Variants in SRP68 observed in about 807,000 individuals in gnomAD.
SRP68 encodes the protein signal recognition particle subunit SRP68.
In SRP68, 15 loss-of-function variants were observed where a neutral mutation model predicts 82.2. That is an observed-to-expected ratio of 0.18 (90% CI 0.12 to 0.28). The LOEUF (loss-of-function observed/expected upper bound fraction) is 0.28. Among genes scored for constraint, SRP68 ranks in the 10% least tolerant of loss-of-function variants. The pLI is 1.00. For missense variants in SRP68, 595 were observed against 780.5 expected (o/e 0.76, Z 2.83); for synonymous variants, 261 against 292.6 (o/e 0.89, Z 1.10).
intron 8 of SRP68, chr17:76,053,609 C>A: frequency 2.0e-6 from 2 of 985,380 alleles, no homozygotes; most frequent in Non-Finnish European, 2.4e-6. Context: ...CTCTAAGTTC[C>A]CACTGGGAAT....
intron 8 of SRP68, among the ~76,000 whole-genome samples, chr17:76,055,807 C>CTTT (rs1032113845): frequency 2.5e-4 from 27 of 106,540 alleles, no homozygotes; most frequent in East Asian, 1.1e-3. Flanking sequence ...TTTTTTTCTT[C>CTTT]TTTTTTTTTT....
At chr17:76,040,591 G>A in intron 14 of SRP68, 117 bp from the exon 15 acceptor site, 1 of 974,538 alleles carries the variant, frequency 1.0e-6, no homozygotes, top group Non-Finnish European at 1.6e-6. Context: ...GCCAGCATGT[G>A]GGGAAGCCAG....
At chr17:76,055,034 G>A (rs2066702748) in intron 8 of SRP68, among the ~76,000 whole-genome samples, 1 of 150,648 alleles carries the variant, frequency 6.6e-6, no homozygotes, top group South Asian at 2.1e-4. Context: ...TCGGCTCACT[G>A]CAACCTCCGC....
At chr17:76,055,900 C>T (rs1036293979) in intron 8 of SRP68, among the ~76,000 whole-genome samples, 2 of 149,648 alleles carry the variant, frequency 1.3e-5, no homozygotes, top group Non-Finnish European at 3.0e-5. Context: ...CTCAAGCTCC[C>T]GGGCTCAAGT....
Position 76,061,136 on chromosome 17 carries a change from T to C in SRP68, c.728A>G (p.Asn243Ser). Residue 243 changes from asparagine (N) to serine (S), a missense_variant, in exon 6 of 16, where the codon AAC becomes AGC. Transcript: ENST00000307877. ...YNQRVEEISP[N>S]IRYCAYNIGD... ...AATATTATATGCACAATAGCGGATG[T>C]TGGGTGAAATCTCTTCCACACGTTG... The C allele has an allele frequency of 1.2e-6, 2 of 1,613,064 alleles. No homozygotes were observed. Among genetic ancestry groups the C allele is most frequent in the Non-Finnish European group, 1.7e-6 (2 of 1,178,978 alleles).
In SRP68 at chr17:76,050,413, G is replaced by A. The variant is rs1274125961; in HGVS notation, c.1077+15C>T. ...CCGCCCAGAGCAAGAACCAGGGCTCGGCTGAGGGTCCTACCTGATCTGGCT... is the reference window on the plus strand; with the variant it reads ...CCGCCCAGAGCAAGAACCAGGGCTCAGCTGAGGGTCCTACCTGATCTGGCT... On this transcript the variant is annotated intron_variant, in intron 9 of 15. Coordinates refer to ENST00000307877, the MANE Select transcript of SRP68 (RefSeq NM_014230.4). The A allele has an allele frequency of 3.7e-6, 6 of 1,601,598 alleles. No individual in the cohort carries two copies. Among genetic ancestry groups the A allele is most frequent in the East Asian group, 2.2e-5 (1 of 44,812 alleles).
intron 4 of SRP68, among the ~76,000 whole-genome samples, chr17:76,062,578 C>T (rs1292961940): frequency 1.7e-4 from 6 of 36,320 alleles, no homozygotes; most frequent in African/African-American, 8.3e-4. Context: ...ATATAATATA[C>T]ATTATATAAT....
intron 6 of SRP68, among the ~76,000 whole-genome samples, 185 bp downstream of exon 6, chr17:76,060,925 T>G (rs572215170): frequency 1.3e-4 from 20 of 152,202 alleles, no homozygotes; most frequent in Non-Finnish European, 2.6e-4. Flanking sequence ...CAGAACCGTC[T>G]TCTATAATTT....
chr17:76,072,147 G>GT lies in SRP68; in HGVS notation c.184+160_184+161insA. 1.6e-4 allele frequency: 208 copies of GT among 1,285,476 alleles called. 1 individual carries two copies. Among genetic ancestry groups the GT allele is most frequent in the Middle Eastern group, 2.5e-4 (1 of 4,026 alleles). 79.6% of individuals were successfully genotyped at this position (1,285,476 alleles called of 1,614,324 possible). On this transcript the variant is annotated intron_variant, in intron 1 of 15. Transcript: ENST00000307877. The surrounding 1 kb of genome is among the most constrained non-coding windows in gnomAD (Gnocchi z 4.5). ...ACGAGGAAAGACTAGTCGAGAGACA[G>GT]ACCCCCCCCGGAATTCTGAGCACCA...
At chr17:76,061,437 A>C (rs1234638204) in intron 5 of SRP68, 55 bp downstream of exon 5, 3 of 1,491,130 alleles carry the variant, frequency 2.0e-6, no homozygotes, top group African/African-American at 1.4e-5. Context: ...TCTGCAGCTT[A>C]AATTTGACAA....
At chr17:76,048,865 A>G (rs1008712955) in intron 9 of SRP68, 4 of 152,268 alleles carry the variant, frequency 2.6e-5, no homozygotes, top group Non-Finnish European at 5.9e-5. Context: ...TATGCATTCA[A>G]GGTGAATGAC....
Position 76,043,907 on chromosome 17 carries a change from G to A in SRP68, c.1446C>T (p.Ala482=). 6.2e-7 allele frequency: 1 copy of A among 1,611,146 alleles called. No individual in the cohort carries two copies. Among genetic ancestry groups the A allele is most frequent in the Non-Finnish European group, 8.5e-7 (1 of 1,179,234 alleles). Residue 482 remains alanine, a synonymous_variant, in exon 13 of 16, where the codon GCC becomes GCT. Coordinates refer to ENST00000307877, the MANE Select transcript of SRP68 (RefSeq NM_014230.4). ...TCAGGACTCTGTCATACAGGACAAG[G>A]GCTTCGCTCCACTTCTTCACCAGCA... The part of the protein sequence containing the change: ...SYVLVKKWSE[A]LVLYDRVLKY...
At chr17:76,068,243 G>A (rs1030293688) in intron 2 of SRP68, among the ~76,000 whole-genome samples, 7 of 151,750 alleles carry the variant, frequency 4.6e-5, no homozygotes, top group Admixed American at 3.9e-4. Context: ...GTTGAGCCAA[G>A]ATTGCGCCAT....
rs2066643993 is a variant in SRP68 at position 76,047,955 on chromosome 17, T to C, written c.1093A>G (p.Ile365Val). 12 of 1,575,822 alleles carry C rather than the reference T, an allele frequency of 7.6e-6. No individual in the cohort carries two copies. The highest frequency in any genetic ancestry group is 3.4e-5 in the Admixed American group (2 of 58,186). ...ACCTTCCCTGGCTCTCCTTCAAGGA[T>C]ATAATCTCTCTGTTTCTGCAGAAAG... ...LKPDQKQRDY[I>V]LEGEPGKVSN... The change falls in exon 10 of 16, where the codon ATC (isoleucine) becomes GTC (valine). Residue 365 changes from isoleucine (I) to valine (V), a missense_variant. By Grantham distance (29) the Ile-to-Val change is conservative. This residue lies in a region of SRP68 where 495 missense variants were observed against 688.6 expected (regional missense o/e 0.72). Coordinates refer to ENST00000307877, the MANE Select transcript of SRP68 (RefSeq NM_014230.4).
At chr17:76,051,349 A>AG (rs2144498719) in intron 8 of SRP68, among the ~76,000 whole-genome samples, 1 of 152,382 alleles carries the variant, frequency 6.6e-6, no homozygotes, top group South Asian at 2.1e-4. Context: ...AAAGGCAGAA[A>AG]GGGGATGAAC....
rs1487794682 is a variant in SRP68, at chr17:76,053,700, C to T, written c.979-3174G>A. On this transcript the variant is annotated intron_variant, in intron 8 of 15. Coordinates refer to ENST00000307877, the MANE Select transcript of SRP68 (RefSeq NM_014230.4). ...TAAGTCAGTTGTGTTTTTCTTACGACGCCCACACTGCAATGACTCAGACCA... is the reference window on the plus strand; with the variant it reads ...TAAGTCAGTTGTGTTTTTCTTACGATGCCCACACTGCAATGACTCAGACCA... The T allele has an allele frequency of 1.4e-5, 13 of 946,050 alleles. No homozygotes were observed. The South Asian group carries it at 2.4e-4, about 18-fold the overall frequency. The allele number at this position is 946,050 out of a possible 1,614,324, so 58.6% of individuals were successfully genotyped here.
intron 5 of SRP68, 68 bp from the exon 6 acceptor site, chr17:76,061,287 A>G: frequency 8.6e-7 from 1 of 1,156,142 alleles, no homozygotes; most frequent in South Asian, 1.3e-5. Context: ...GAACACAGTG[A>G]CTAAAAACAA....
Position 76,072,424 on chromosome 17 carries a change from C to A in SRP68, c.68G>T (p.Gly23Val). The A allele has an allele frequency of 6.3e-7, 1 of 1,585,326 alleles. No homozygotes were observed. The highest frequency in any genetic ancestry group is 8.6e-7 in the Non-Finnish European group (1 of 1,167,840). Reference sequence around the variant, plus strand: ...ACGTCCACCGCCGCTACCGCCGCCGCCACTGCCACCGCCGCCGCCACTGCC... The same window carrying A: ...ACGTCCACCGCCGCTACCGCCGCCGACACTGCCACCGCCGCCGCCACTGCC... ...GGGSGGGGGS[G>V]GGGSGGGRGA... The change falls in exon 1 of 16, where the codon GGC (glycine) becomes GTC (valine). Residue 23 changes from glycine (G) to valine (V), a missense_variant. Gly to Val is a moderately radical substitution (Grantham distance 109). This residue lies in a region of SRP68 where 100 missense variants were observed against 91.9 expected (regional missense o/e 1.09). Transcript: ENST00000307877. The surrounding 1 kb of genome is among the most constrained non-coding windows in gnomAD (Gnocchi z 4.5).
chr17:76,067,365 A>G, intron 2 of SRP68, 35 bp from the exon 3 acceptor site: 3 of 1,454,292 alleles, frequency 2.1e-6, no homozygotes, highest in African/African-American at 1.4e-5. Flanking sequence ...CACTCAGCCA[A>G]GCTGAGAGTA....
Sources: allele counts gnomAD v4.1 joint callset (sites outside exome capture counted in the v4.1 genomes callset), GRCh38; gene constraint gnomAD v4.1.1; regional missense constraint gnomAD v4.1.1; non-coding constraint Gnocchi (gnomAD v3.1); transcripts MANE v1.5; gene names NCBI Gene and HGNC (gene_info 2026-07-23, HGNC 2026-07-21).